POGLUT2: variants seen among roughly 807,000 people sequenced by gnomAD.
POGLUT2 encodes protein O-glucosyltransferase 2, also known as ER protein 58.
POGLUT2 carries 47 observed loss-of-function variants against 57.6 expected under a neutral mutation model. The ratio of observed to expected loss-of-function variants is 0.82; its 90% confidence interval spans 0.65 to 1.04. POGLUT2 has a LOEUF of 1.04. Ranked by LOEUF, POGLUT2 falls within the 50% of genes least tolerant of loss-of-function variation. The pLI is 0.00. For missense variants in POGLUT2, 565 were observed against 614.8 expected (o/e 0.92, Z 0.86); for synonymous variants, 200 against 218.8 (o/e 0.91, Z 0.76).
At chr13:102,796,313 T>TA (rs1289200864) in intron 2 of POGLUT2, among the ~76,000 whole-genome samples, 1 of 128,730 alleles carries the variant, frequency 7.8e-6, no homozygotes, top group Non-Finnish European at 1.6e-5. Flanking sequence ...AAAAAAAAAA[T>TA]AAATAAATAA....
At chr13:102,792,699 A>G (rs1216405729) in intron 4 of POGLUT2, among the ~76,000 whole-genome samples, 1 of 152,136 alleles carries the variant, frequency 6.6e-6, no homozygotes, top group Admixed American at 6.6e-5. Context: ...AAACCAAGGA[A>G]CACCAAAGAT....
chr13:102,794,948 T>A (rs75076781), intron 2 of POGLUT2, among the ~76,000 whole-genome samples: 14 of 146,288 alleles, frequency 9.6e-5, no homozygotes, highest in Middle Eastern at 3.5e-3. Flanking sequence ...TTTTTTTTTT[T>A]AAGAATTATT....
intron 6 of POGLUT2, 27 bp from the exon 7 acceptor site, chr13:102,789,248 A>C (rs1244079803): frequency 1.9e-6 from 3 of 1,571,972 alleles, no homozygotes; most frequent in Admixed American, 3.3e-5. Context: ...AAGTCTAAGA[A>C]CCTCTATTAA....
At position 102,798,903 on chromosome 13, in the gene POGLUT2, G is replaced by T; in HGVS notation, c.-233C>A. 4.2e-6 allele frequency: 2 copies of T among 474,524 alleles called. No homozygotes were observed. Among genetic ancestry groups the T allele is most frequent in the East Asian group, 3.4e-5 (1 of 29,228 alleles). The allele number at this position is 474,524 out of a possible 1,614,324, so 29.4% of individuals were successfully genotyped here. ...GGTCCCCTGGCGTTCTGCTGTCCCG[G>T]CCGAGAACCGCGCTGCTCCTCTCTC... On this transcript the variant is annotated 5_prime_UTR_variant, in exon 1 of 10. Coordinates refer to ENST00000376004, the MANE Select transcript of POGLUT2 (RefSeq NM_024089.3).
chr13:102,788,971 G>T, intron 7 of POGLUT2, 41 bp downstream of exon 7: 2 of 1,492,688 alleles, frequency 1.3e-6, no homozygotes, highest in Non-Finnish European at 1.9e-6. Flanking sequence ...CATGATATTG[G>T]GAAACAAGTG....
chr13:102,789,305 C>A, intron 6 of POGLUT2, 84 bp from the exon 7 acceptor site: 1 of 1,138,790 alleles, frequency 8.8e-7, no homozygotes, highest in Non-Finnish European at 1.3e-6. Flanking sequence ...ACACATAAAC[C>A]TTTGCAATCC....
At chr13:102,789,723 C>A (rs59545971) in intron 6 of POGLUT2, among the ~76,000 whole-genome samples, 9,515 of 152,182 alleles carry the variant, frequency 0.063, 404 homozygotes, top group African/African-American at 0.11. Flanking sequence ...TCAGCATCCC[C>A]AGTCGCTGGC....
In POGLUT2 at chr13:102,788,992, T is replaced by G; in HGVS notation, c.1293+20A>C. The G allele has an allele frequency of 1.9e-6, 3 of 1,598,880 alleles. No homozygotes were observed. Among genetic ancestry groups the G allele is most frequent in the Non-Finnish European group, 2.6e-6 (3 of 1,167,186 alleles). On this transcript the variant is annotated intron_variant, in intron 7 of 9. Coordinates refer to ENST00000376004, the MANE Select transcript of POGLUT2 (RefSeq NM_024089.3). Reference sequence around the variant, plus strand: ...ATTGGGAAACAAGTGGAAATAAGCCTTCAAGGGGACTAACCTTACCTCTTC... The same window carrying G: ...ATTGGGAAACAAGTGGAAATAAGCCGTCAAGGGGACTAACCTTACCTCTTC...
At chr13:102,798,344 C>T (rs559921222) in intron 1 of POGLUT2, 145 bp downstream of exon 1, 136 of 650,820 alleles carry the variant, frequency 2.1e-4, no homozygotes, top group Middle Eastern at 3.9e-4. Context: ...GGAACAATTT[C>T]TACAGCTACA....
chr13:102,789,041 GT>G lies in POGLUT2; in HGVS notation c.1263del (p.Lys421AsnfsTer15). The G allele has an allele frequency of 6.2e-7, 1 of 1,614,126 alleles. No homozygotes were observed. The highest frequency in any genetic ancestry group is 8.5e-7 in the Non-Finnish European group (1 of 1,179,990). On this transcript the variant is annotated frameshift_variant, in exon 7 of 10. Transcript: ENST00000376004. LOFTEE classifies it high-confidence loss of function. The stretch of plus-strand genomic sequence containing the variant: ...TCATCGTGATCTTTCGCCCATTTAA[GT>G]TTTTCTAGCAGATCGCTCAGGTTGC... Reference protein sequence around the residue: ...VKSNLSDLLEKLKWAKDHDEE... With the variant: ...VKSNLSDLLEXLKWAKDHDEE...
At position 102,793,790 on chromosome 13, in the gene POGLUT2, C is replaced by T. The variant is rs577159861; in HGVS notation, c.405G>A (p.Glu135=). 6.2e-7 allele frequency: 1 copy of T among 1,614,142 alleles called. No homozygotes were observed. Among genetic ancestry groups the T allele is most frequent in the Admixed American group, 1.7e-5 (1 of 60,014 alleles). Residue 135 remains glutamate, a synonymous_variant, in exon 3 of 10, where the codon GAG becomes GAA. Coordinates refer to ENST00000376004, the MANE Select transcript of POGLUT2 (RefSeq NM_024089.3). The part of the protein sequence containing the change: ...PYILKGPVYH[E]NCDCPLQDSA... ...TATCTTGCAGAGGACAGTCACAGTT[C>T]TCATGGTAAACCGGCCCTATTTACA...
At chr13:102,787,981 T>A in intron 7 of POGLUT2, 58 bp from the exon 8 acceptor site, 1 of 997,394 alleles carries the variant, frequency 1.0e-6, no homozygotes, top group Non-Finnish European at 1.6e-6. Context: ...CATGCAGGCA[T>A]CTGCAAACTG....
In POGLUT2 at chr13:102,795,036, G is replaced by A. The variant is rs537492098; in HGVS notation, c.389-1230C>T. On this transcript the variant is annotated intron_variant, in intron 2 of 9. Coordinates refer to ENST00000376004, the MANE Select transcript of POGLUT2 (RefSeq NM_024089.3). ...TGGGAGGCTGAGGCGGGCGGATCAC[G>A]AGGTCAGGAGATCGAGACCATCCTG... Among the ~76,000 whole-genome samples, 79 of 148,792 alleles carry A rather than the reference G, an allele frequency of 5.3e-4. 1 individual carries two copies. In the South Asian group the frequency reaches 0.015, roughly 27 times the overall value.
intron 2 of POGLUT2, among the ~76,000 whole-genome samples, chr13:102,795,432 G>A (rs556877065): frequency 7.9e-5 from 12 of 152,086 alleles, no homozygotes; most frequent in African/African-American, 1.2e-4. Context: ...GCATGGTGGT[G>A]AGTGCCTGTA....
chr13:102,786,295 G>A lies in POGLUT2; in HGVS notation c.1428C>T (p.Gly476=). The A allele has an allele frequency of 6.2e-7, 1 of 1,613,890 alleles. No homozygotes were observed. The highest frequency in any genetic ancestry group is 8.5e-7 in the Non-Finnish European group (1 of 1,179,802). Residue 476 remains glycine (G), a synonymous_variant, in exon 9 of 10, where the codon GGC becomes GGT. Coordinates refer to ENST00000376004, the MANE Select transcript of POGLUT2 (RefSeq NM_024089.3). ...CAGTCTGTGGTTCTACCCTTTTCAT[G>A]CCCTCTCGGATTTGGGGCTCACTCA... The part of the protein sequence containing the change: ...LQVSEPQIRE[G]MKRVEPQTED...
At chr13:102,795,022 G>A (rs1878320031) in intron 2 of POGLUT2, among the ~76,000 whole-genome samples, 1 of 151,414 alleles carries the variant, frequency 6.6e-6, no homozygotes. Flanking sequence ...GGGAGGCTGA[G>A]GCGGGCGGAT....
chr13:102,784,900 G>C (rs1161180440), intron 9 of POGLUT2, among the ~76,000 whole-genome samples: 2 of 152,214 alleles, frequency 1.3e-5, no homozygotes, highest in African/African-American at 4.8e-5. Context: ...ATAAATAACT[G>C]AGCAGGAGTG....
Position 102,798,894 on chromosome 13 carries a change from G to A in POGLUT2, c.-224C>T, listed in dbSNP as rs1878564980. The A allele has an allele frequency of 2.1e-6, 1 of 482,212 alleles. No individual in the cohort carries two copies. The highest frequency in any genetic ancestry group is 3.6e-6 in the Non-Finnish European group (1 of 274,514). 29.9% of individuals were successfully genotyped at this position (482,212 alleles called of 1,614,324 possible). On this transcript the variant is annotated 5_prime_UTR_variant, in exon 1 of 10. Transcript: ENST00000376004. ...CCAGGTGAGGGTCCCCTGGCGTTCT[G>A]CTGTCCCGGCCGAGAACCGCGCTGC...
At position 102,797,583 on chromosome 13, in the gene POGLUT2, T is replaced by A. The variant is rs562115524; in HGVS notation, c.183-574A>T. Reference sequence around the variant, plus strand: ...TCTCTACAAATAATAATAATAATAATAAAAAACAAATAGCCAGGCGAGGTG... The same window carrying A: ...TCTCTACAAATAATAATAATAATAAAAAAAAACAAATAGCCAGGCGAGGTG... On this transcript the variant is annotated intron_variant, in intron 1 of 9. Coordinates refer to ENST00000376004, the MANE Select transcript of POGLUT2 (RefSeq NM_024089.3). Among the ~76,000 whole-genome samples the A allele has an allele frequency of 3.4e-4, 51 of 151,782 alleles. 1 individual carries two copies. The highest frequency in any genetic ancestry group is 6.8e-3 in the Middle Eastern group (2 of 292).
Sources: gnomAD v4.1 joint callset for allele counts (sites outside exome capture counted in the v4.1 genomes callset) on GRCh38, gnomAD v4.1.1 for gene constraint, MANE v1.5 for transcripts, NCBI Gene and HGNC (gene_info 2026-07-23, HGNC 2026-07-21) for gene names.